The following CFTR variants were observed in gnomAD, a reference collection of about 807,000 sequenced individuals.
The protein encoded by CFTR is cystic fibrosis transmembrane conductance regulator.
In CFTR, 181 loss-of-function variants were observed where a neutral mutation model predicts 171.6. The ratio of observed to expected loss-of-function variants is 1.05; its 90% CI spans 0.93 to 1.19. CFTR has a LOEUF of 1.19. Ranked by LOEUF, CFTR falls within the 50% of genes most tolerant of loss-of-function variation. CFTR has a pLI of 0.00. For synonymous variants in CFTR, 583 were observed against 608.0 expected, an observed-to-expected ratio of 0.96 and a Z score of 0.60; for missense variants, 1,968 against 1,734.7, an observed-to-expected ratio of 1.13 and a Z score of -2.39.
chr7:117,596,118 C>T lies in CFTR; in HGVS notation c.2619+1060C>T, dbSNP rs1792118963. ...TTTCTGGGCTGGCCAAGGCCAGAGC[C>T]GGCTCCCTCAGCTTGCGGGGAGGTG... On this transcript the variant is annotated intron_variant, in intron 15 of 26. Transcript: ENST00000003084. Among the ~76,000 whole-genome samples, 3 of 152,054 alleles carry T rather than the reference C, an allele frequency of 2.0e-5. 1 individual carries two copies. The South Asian group carries it at 6.2e-4, about 32-fold the overall frequency.
chr7:117,603,428 A>C, intron 16 of CFTR, 104 bp from the exon 17 acceptor site: 1 of 1,334,112 alleles, frequency 7.5e-7, no homozygotes, highest in Non-Finnish European at 1.1e-6. Flanking sequence ...TTCTAATGCA[A>C]AATATTGTAT....
chr7:117,577,485 A>G (rs1397912197), intron 11 of CFTR, among the ~76,000 whole-genome samples: 1 of 152,136 alleles, frequency 6.6e-6, no homozygotes, highest in Admixed American at 6.6e-5. Context: ...CTGAGGAAAA[A>G]AAGGGCTTTC....
At chr7:117,628,084 A>C (rs752302505) in intron 22 of CFTR, among the ~76,000 whole-genome samples, 32 of 152,152 alleles carry the variant, frequency 2.1e-4, no homozygotes, top group Non-Finnish European at 4.1e-4. Flanking sequence ...TCCCATCTTG[A>C]AAATGTCTTC....
At chr7:117,649,493 GTGTGTATATATA>G (rs1793053147) in intron 23 of CFTR, among the ~76,000 whole-genome samples, 1 of 123,698 alleles carries the variant, frequency 8.1e-6, no homozygotes, top group African/African-American at 3.6e-5. Flanking sequence ...TAGTGTGTGT[GTGTGTATATATA>G]TATATATATA....
chr7:117,576,759 C>A (rs557098515), intron 11 of CFTR, among the ~76,000 whole-genome samples: 1 of 152,196 alleles, frequency 6.6e-6, no homozygotes, highest in African/African-American at 2.4e-5. Context: ...ATGCATGAAG[C>A]AAAAGTGCAG....
intron 21 of CFTR, among the ~76,000 whole-genome samples, chr7:117,624,840 C>CA (rs972012581): frequency 2.6e-5 from 4 of 152,098 alleles, no homozygotes; most frequent in African/African-American, 7.2e-5. Flanking sequence ...TCAAAATTTT[C>CA]AAATGATCCA....
chr7:117,601,893 A>G (rs1792231681), intron 15 of CFTR, among the ~76,000 whole-genome samples: 2 of 152,240 alleles, frequency 1.3e-5, no homozygotes, highest in South Asian at 4.1e-4. Flanking sequence ...TTGTTTATAT[A>G]TGGTGCAGAA....
chr7:117,548,536 C>T, intron 9 of CFTR, 105 bp from the exon 10 acceptor site: 1 of 1,540,244 alleles, frequency 6.5e-7, no homozygotes, highest in Non-Finnish European at 8.8e-7. Context: ...GGGCCATGTG[C>T]TTTTCAAACT....
intron 11 of CFTR, among the ~76,000 whole-genome samples, chr7:117,564,234 C>T (rs978816931): frequency 6.6e-6 from 1 of 152,184 alleles, no homozygotes; most frequent in Non-Finnish European, 1.5e-5. Flanking sequence ...CAGTCTCAGA[C>T]ATTGAGCAGA....
intron 11 of CFTR, among the ~76,000 whole-genome samples, chr7:117,568,572 A>G (rs34623881): frequency 0.046 from 6,946 of 152,264 alleles, 540 homozygotes; most frequent in African/African-American, 0.16. Flanking sequence ...TTTAAAAATA[A>G]TTTAACATTT....
intron 14 of CFTR, among the ~76,000 whole-genome samples, chr7:117,594,597 A>G (rs1477463637): frequency 2.0e-5 from 3 of 152,196 alleles, no homozygotes; most frequent in Non-Finnish European, 4.4e-5. Flanking sequence ...CTTCATTTAG[A>G]TGGTATCATT....
rs201355675 is a variant in CFTR, at chr7:117,585,727, G to A, written c.1585-2012G>A. On this transcript the variant is annotated intron_variant, in intron 11 of 26. Transcript: ENST00000003084. ...TGTGATCATAGCTCGCTATAGCCTC[G>A]AATTCCTGGGTTCAAGCAATCCTCC... 2.1e-3 allele frequency among the ~76,000 whole-genome samples: 322 copies of A among 152,060 alleles called. 2 individuals are homozygous for A. Among genetic ancestry groups the A allele is most frequent in the Non-Finnish European group, 3.9e-3 (262 of 67,988 alleles).
intron 11 of CFTR, among the ~76,000 whole-genome samples, chr7:117,586,838 C>T (rs1210612829): frequency 6.6e-6 from 1 of 151,666 alleles, no homozygotes; most frequent in African/African-American, 2.4e-5. Flanking sequence ...AAGTCTCAGA[C>T]CAAATCCCAT....
chr7:117,537,678 A>G (rs1798979575), intron 7 of CFTR, among the ~76,000 whole-genome samples: 1 of 152,260 alleles, frequency 6.6e-6, no homozygotes, highest in African/African-American at 2.4e-5. Context: ...TTTGCCATGT[A>G]AATAGAAAAA....
At chr7:117,632,331 T>C (rs772201122) in intron 22 of CFTR, among the ~76,000 whole-genome samples, 47 of 151,932 alleles carry the variant, frequency 3.1e-4, no homozygotes, top group Non-Finnish European at 4.9e-4. Flanking sequence ...TGAGAGGACA[T>C]AGTGGGAGGA....
chr7:117,493,666 T>C (rs2237721), intron 1 of CFTR, among the ~76,000 whole-genome samples: 16,908 of 152,134 alleles, frequency 0.11, 1,457 homozygotes, highest in East Asian at 0.41. Context: ...TCTTGAGTCA[T>C]ACAATTGTGT....
chr7:117,571,144 G>A (rs1791681768), intron 11 of CFTR, among the ~76,000 whole-genome samples: 1 of 152,170 alleles, frequency 6.6e-6, no homozygotes, highest in Non-Finnish European at 1.5e-5. Context: ...AAGATGAGAA[G>A]CTTGTGTTAT....
chr7:117,516,397 C>T (rs1282343029), intron 3 of CFTR, among the ~76,000 whole-genome samples: 1 of 151,960 alleles, frequency 6.6e-6, no homozygotes, highest in African/African-American at 2.4e-5. Context: ...CCATCTTTAC[C>T]GTCACTTCCA....
intron 26 of CFTR, among the ~76,000 whole-genome samples, chr7:117,666,036 T>C (rs1183321026): frequency 6.6e-6 from 1 of 152,126 alleles, no homozygotes; most frequent in African/African-American, 2.4e-5. Flanking sequence ...GTAGTACCTT[T>C]CTCAACCACC....
Sources: gnomAD v4.1 joint callset for allele counts (sites outside exome capture counted in the v4.1 genomes callset) on GRCh38, gnomAD v4.1.1 for gene constraint, MANE v1.5 for transcripts, NCBI Gene and HGNC (gene_info 2026-07-23, HGNC 2026-07-21) for gene names.